The following SUSD5 variants were observed in gnomAD, a reference collection of about 807,000 sequenced individuals.
SUSD5 encodes the protein sushi domain-containing protein 5.
A neutral mutation model predicts 29.5 loss-of-function variants in SUSD5; 33 were observed. That is an observed-to-expected ratio of 1.12 (90% CI 0.85 to 1.49). The LOEUF is 1.49. Ranked by LOEUF, SUSD5 falls within the 40% of genes most tolerant of loss-of-function variation. The pLI is 0.00. For synonymous variants in SUSD5, 308 were observed against 325.3 expected, an observed-to-expected ratio of 0.95 and a Z score of 0.57; for missense variants, 776 against 800.6, an observed-to-expected ratio of 0.97 and a Z score of 0.37.
At chr3:33,186,726 G>A (rs73826287) in intron 3 of SUSD5, among the ~76,000 whole-genome samples, 4,649 of 152,170 alleles carry the variant, frequency 0.031, 236 homozygotes, top group African/African-American at 0.11. Flanking sequence ...CGCCCGGTCA[G>A]CACTTTCTTA....
chr3:33,150,506 T>G lies in SUSD5; in HGVS notation c.*2236A>C, dbSNP rs1047779462. The G allele has an allele frequency of 6.6e-6, 1 of 152,228 alleles. No individual in the cohort carries two copies. The highest frequency in any genetic ancestry group is 1.5e-5 in the Non-Finnish European group (1 of 68,040). 9.4% of individuals were successfully genotyped at this position (152,228 alleles called of 1,614,324 possible). A position where few individuals can be genotyped will look rare whatever the true frequency, so the allele number is the denominator to read the frequency against. On this transcript the variant is annotated 3_prime_UTR_variant, in exon 5 of 5. Transcript: ENST00000309558. ...TATAGTTAAAAATAGAAAAGTTATC[T>G]TGCAGTAGATTAGGATCTAATTTAT...
chr3:33,173,577 G>C (rs2031482873), intron 4 of SUSD5, among the ~76,000 whole-genome samples: 1 of 152,234 alleles, frequency 6.6e-6, no homozygotes, highest in Admixed American at 6.5e-5. Context: ...GCAACAACGT[G>C]AATGAATCTC....
intron 3 of SUSD5, among the ~76,000 whole-genome samples, chr3:33,188,811 C>A (rs983833376): frequency 6.6e-6 from 1 of 152,174 alleles, no homozygotes; most frequent in African/African-American, 2.4e-5. Context: ...GTGTTGATTA[C>A]ACAGGTGTAT....
chr3:33,200,323 A>G (rs2032091703), intron 3 of SUSD5, among the ~76,000 whole-genome samples: 1 of 152,168 alleles, frequency 6.6e-6, no homozygotes, highest in Non-Finnish European at 1.5e-5. Flanking sequence ...CATTTATGTT[A>G]TTTTTAAATA....
At chr3:33,168,428 A>T in intron 4 of SUSD5, 1 of 789,134 alleles carries the variant, frequency 1.3e-6, no homozygotes, top group Non-Finnish European at 1.5e-6. Context: ...GAAGGAAATT[A>T]AGTCTAAAAG....
At chr3:33,207,684 G>C (rs2032246890) in intron 3 of SUSD5, 124 bp downstream of exon 3, 3 of 597,160 alleles carry the variant, frequency 5.0e-6, no homozygotes, top group Admixed American at 3.6e-5. Context: ...TTCTTTGGAA[G>C]ACTTCCTGAT....
At chr3:33,208,532 A>G (rs1157349432) in intron 2 of SUSD5, among the ~76,000 whole-genome samples, 1 of 152,044 alleles carries the variant, frequency 6.6e-6, no homozygotes, top group Non-Finnish European at 1.5e-5. Flanking sequence ...TTAATCATCA[A>G]TCTAATTTAA....
At chr3:33,187,631 C>T (rs1325689267) in intron 3 of SUSD5, among the ~76,000 whole-genome samples, 1 of 151,868 alleles carries the variant, frequency 6.6e-6, no homozygotes, top group Non-Finnish European at 1.5e-5. Context: ...GGAAACTTAA[C>T]ATTTGGTAAG....
chr3:33,205,008 T>C, intron 3 of SUSD5, among the ~76,000 whole-genome samples: 1 of 152,094 alleles, frequency 6.6e-6, no homozygotes, highest in South Asian at 2.1e-4. Context: ...CACACGTGTG[T>C]GTGTATACAT....
At chr3:33,158,872 A>C (rs1451595518) in intron 4 of SUSD5, among the ~76,000 whole-genome samples, 1 of 152,190 alleles carries the variant, frequency 6.6e-6, no homozygotes, top group Non-Finnish European at 1.5e-5. Flanking sequence ...CTATACCTTA[A>C]GGCCTCTTTC....
At chr3:33,175,142 G>T in intron 3 of SUSD5, 68 bp from the exon 4 acceptor site, 1 of 1,537,874 alleles carries the variant, frequency 6.5e-7, no homozygotes, top group South Asian at 1.2e-5. Flanking sequence ...TGAGAAAACA[G>T]ACTTAAAACA....
At chr3:33,185,231 A>T (rs941799686) in intron 3 of SUSD5, among the ~76,000 whole-genome samples, 2 of 152,330 alleles carry the variant, frequency 1.3e-5, no homozygotes, top group Non-Finnish European at 2.9e-5. Flanking sequence ...GCTCTGAAAA[A>T]ATATTTTGTT....
chr3:33,202,046 ATCTATCTATCTATCTG>A (rs200133494), intron 3 of SUSD5, among the ~76,000 whole-genome samples: 10,451 of 145,592 alleles, frequency 0.072, 474 homozygotes, highest in East Asian at 0.14. Flanking sequence ...CTATCTATCT[ATCTATCTATCTATCTG>A]TCTATCTATC....
intron 3 of SUSD5, among the ~76,000 whole-genome samples, chr3:33,201,462 T>C (rs2032115737): frequency 6.6e-6 from 1 of 152,224 alleles, no homozygotes; most frequent in South Asian, 2.1e-4. Context: ...CCCAGAGATA[T>C]CTGCCTCTGG....
At position 33,207,944 on chromosome 3, in the gene SUSD5, G is replaced by T. The variant is rs1431516446; in HGVS notation, c.291-18C>A. On this transcript the variant is annotated intron_variant, in intron 2 of 4. Transcript: ENST00000309558. ...CAGTTGTTCTGAAATAGACAAAAAA[G>T]GCACTGAATGAGGAAAACTCTGGGT... is the stretch of plus-strand genomic sequence containing the variant. 1 of 1,583,906 alleles carries T rather than the reference G, an allele frequency of 6.3e-7. No individual in the cohort carries two copies. Among genetic ancestry groups the T allele is most frequent in the South Asian group, 1.1e-5 (1 of 89,628 alleles).
intron 3 of SUSD5, among the ~76,000 whole-genome samples, chr3:33,176,908 A>C (rs1021440055): frequency 1.3e-5 from 2 of 152,170 alleles, no homozygotes; most frequent in Non-Finnish European, 2.9e-5. Flanking sequence ...AACTATATTT[A>C]TGTGGGTCTA....
chr3:33,163,336 G>T (rs542099356), intron 4 of SUSD5, among the ~76,000 whole-genome samples: 1 of 151,742 alleles, frequency 6.6e-6, no homozygotes, highest in Non-Finnish European at 1.5e-5. Flanking sequence ...CGGTAAGCTG[G>T]GTTAAGCTTT....
intron 4 of SUSD5, 143 bp downstream of exon 4, chr3:33,174,743 C>G: frequency 1.2e-6 from 1 of 842,192 alleles, no homozygotes; most frequent in Non-Finnish European, 1.8e-6. Flanking sequence ...GTTGCTAGGT[C>G]CAGAGCTCAG....
rs540428032 is a variant in SUSD5 at position 33,216,300 on chromosome 3, GA to G, written c.113-2196del. 1.1e-4 allele frequency among the ~76,000 whole-genome samples: 17 copies of G among 152,120 alleles called. No homozygotes were observed. The South Asian group carries it at 3.5e-3, about 32-fold the overall frequency. ...TGACACAAAATTAATTTTAAAATCT[GA>G]ATACTTCTTTATCTACCAAACAAAT... On this transcript the variant is annotated intron_variant, in intron 1 of 4. Transcript: ENST00000309558.
Sources: gnomAD v4.1 joint callset for allele counts (sites outside exome capture counted in the v4.1 genomes callset) on GRCh38, gnomAD v4.1.1 for gene constraint, MANE v1.5 for transcripts, NCBI Gene and HGNC (gene_info 2026-07-23, HGNC 2026-07-21) for gene names.